The following SRPX variants were observed in gnomAD, a reference collection of about 807,000 sequenced individuals.
SRPX encodes sushi repeat containing protein X-linked.
A neutral mutation model predicts 38.1 loss-of-function variants in SRPX; 24 were observed. The ratio of observed to expected loss-of-function variants is 0.63; its 90% CI spans 0.46 to 0.89. The LOEUF is 0.89. Among genes scored for constraint, SRPX ranks in the 40% least tolerant of loss-of-function variants. The pLI is 0.00. For synonymous variants in SRPX, 184 were observed against 153.8 expected (o/e 1.20, Z -1.45); for missense variants, 416 against 377.8 (o/e 1.10, Z -0.84).
At chrX:38,164,133 A>C (rs1253190393) in intron 5 of SRPX, among the ~76,000 whole-genome samples, 1 of 87,638 alleles carries the variant, frequency 1.1e-5, no homozygotes, top group African/African-American at 4.1e-5. Flanking sequence ...TTTATGGGGT[A>C]CATGAGATTT....
At chrX:38,186,139 G>C (rs944057513) in intron 1 of SRPX, among the ~76,000 whole-genome samples, 5 of 111,780 alleles carry the variant, frequency 4.5e-5, no homozygotes, top group African/African-American at 1.6e-4. Context: ...AAAGACTGTG[G>C]TGTCCATCTT....
In SRPX at chrX:38,213,083, A is replaced by G. The variant is rs763765392; in HGVS notation, c.97+7613T>C. On this transcript the variant is annotated intron_variant, in intron 1 of 9. Transcript: ENST00000378533. ...TATCCTGCCACAGTTGAACCTTGAA[A>G]GCACTATACTAAGTGAAAGAAGCCA... Among the ~76,000 whole-genome samples the G allele has an allele frequency of 2.7e-5, 3 of 111,340 alleles. No homozygotes were observed. The South Asian group carries it at 1.1e-3, about 42-fold the overall frequency.
rs761931202 is a variant in SRPX at position 38,220,169 on chromosome X, G to A, written c.97+527C>T. On this transcript the variant is annotated intron_variant, in intron 1 of 9. Coordinates refer to ENST00000378533, the MANE Select transcript of SRPX (RefSeq NM_006307.5). ...CAGACTTTCTCGGAATCCCCAGCAG[G>A]GGGGGTTAAGAGATTCAGGGGAGGC... Among the ~76,000 whole-genome samples the A allele has an allele frequency of 1.8e-4, 20 of 113,456 alleles. 1 individual carries two copies. The highest frequency in any genetic ancestry group is 2.6e-4 in the Non-Finnish European group (14 of 53,393).
intron 1 of SRPX, among the ~76,000 whole-genome samples, chrX:38,180,147 C>G (rs897730558): frequency 1.8e-5 from 2 of 111,286 alleles, no homozygotes; most frequent in South Asian, 3.8e-4. Flanking sequence ...TTTCTCCCCC[C>G]GCCCAGCCCT....
intron 1 of SRPX, among the ~76,000 whole-genome samples, chrX:38,193,735 A>G (rs1159694947): frequency 8.9e-6 from 1 of 112,055 alleles, no homozygotes; most frequent in Non-Finnish European, 1.9e-5. Context: ...TCCTTCAAAC[A>G]TCAAATTACA....
At chrX:38,193,344 G>A (rs1468863314) in intron 1 of SRPX, among the ~76,000 whole-genome samples, 3 of 111,685 alleles carry the variant, frequency 2.7e-5, no homozygotes, top group African/African-American at 9.8e-5. Context: ...TCTATGTGTA[G>A]TAGTCAAGTC....
At chrX:38,207,235 A>C (rs1939227518) in intron 1 of SRPX, among the ~76,000 whole-genome samples, 1 of 112,462 alleles carries the variant, frequency 8.9e-6, no homozygotes, top group Non-Finnish European at 1.9e-5. Flanking sequence ...GGAAAATAAT[A>C]TTTTTCCAAT....
At chrX:38,193,374 C>A (rs1481570545) in intron 1 of SRPX, among the ~76,000 whole-genome samples, 1 of 111,653 alleles carries the variant, frequency 9.0e-6, no homozygotes, top group Non-Finnish European at 1.9e-5. Flanking sequence ...TTTTACACAG[C>A]ACAATCAAAC....
intron 1 of SRPX, among the ~76,000 whole-genome samples, chrX:38,198,819 G>T (rs1939048238): frequency 9.0e-6 from 1 of 111,168 alleles, no homozygotes; most frequent in Non-Finnish European, 1.9e-5. Flanking sequence ...AACAATCAGG[G>T]ATAATACCAT....
At chrX:38,205,178 T>A (rs1302673306) in intron 1 of SRPX, among the ~76,000 whole-genome samples, 4 of 112,111 alleles carry the variant, frequency 3.6e-5, no homozygotes, top group Non-Finnish European at 7.5e-5. Context: ...GGAGCAGAAA[T>A]GTGTGCAAGT....
chrX:38,198,840 T>C (rs1462767387), intron 1 of SRPX, among the ~76,000 whole-genome samples: 4 of 111,518 alleles, frequency 3.6e-5, no homozygotes, highest in Non-Finnish European at 7.5e-5. Context: ...AAGCCACTCG[T>C]AATAAATATT....
intron 1 of SRPX, 32 bp downstream of exon 1, chrX:38,220,664 A>T: frequency 8.4e-7 from 1 of 1,187,667 alleles, no homozygotes; most frequent in Non-Finnish European, 1.1e-6. Flanking sequence ...TTTGGTGCCC[A>T]GCTGAGGAGG....
intron 2 of SRPX, among the ~76,000 whole-genome samples, chrX:38,177,976 T>A (rs1938595583): frequency 8.9e-6 from 1 of 112,116 alleles, no homozygotes; most frequent in South Asian, 3.7e-4. Context: ...CTGTAATGTA[T>A]GAATTAGGCT....
At chrX:38,202,419 T>C (rs1399975350) in intron 1 of SRPX, among the ~76,000 whole-genome samples, 6 of 111,519 alleles carry the variant, frequency 5.4e-5, no homozygotes, top group Non-Finnish European at 1.1e-4. Flanking sequence ...CAGATGTTTA[T>C]ATTAGAAAAA....
intron 9 of SRPX, among the ~76,000 whole-genome samples, 168 bp downstream of exon 9, chrX:38,154,294 A>T (rs1248538434): frequency 1.8e-5 from 2 of 112,290 alleles, no homozygotes; most frequent in African/African-American, 6.5e-5. Context: ...AATTTATTTG[A>T]ACAAACAGCA....
At chrX:38,196,977 A>G (rs1176989485) in intron 1 of SRPX, among the ~76,000 whole-genome samples, 1 of 111,875 alleles carries the variant, frequency 8.9e-6, no homozygotes, top group Non-Finnish European at 1.9e-5. Flanking sequence ...CAAAGCCTCT[A>G]AGACATGTGG....
At chrX:38,187,394 A>G (rs776894431) in intron 1 of SRPX, among the ~76,000 whole-genome samples, 2 of 111,852 alleles carry the variant, frequency 1.8e-5, no homozygotes, top group Non-Finnish European at 3.8e-5. Context: ...TATTCATCTT[A>G]ATAACCACCA....
intron 1 of SRPX, among the ~76,000 whole-genome samples, chrX:38,195,399 T>TTG (rs1938981180): frequency 9.2e-6 from 1 of 108,284 alleles, no homozygotes; most frequent in Non-Finnish European, 1.9e-5. Context: ...TTTTTTTTTT[T>TTG]TTACCATACC....
At chrX:38,203,770 G>GAAGA (rs906998148) in intron 1 of SRPX, among the ~76,000 whole-genome samples, 1 of 111,781 alleles carries the variant, frequency 8.9e-6, no homozygotes, top group African/African-American at 3.3e-5. Flanking sequence ...CAAAAGGAGA[G>GAAGA]AAGAAAGAAA....
Sources: allele counts gnomAD v4.1 joint callset (sites outside exome capture counted in the v4.1 genomes callset), GRCh38; gene constraint gnomAD v4.1.1; transcripts MANE v1.5; gene names NCBI Gene and HGNC (gene_info 2026-07-23, HGNC 2026-07-21).